The following MAPKAPK5 variants were observed in gnomAD, a reference collection of about 807,000 sequenced individuals.
MAPKAPK5 encodes MAPK activated protein kinase 5, also known as MAP kinase-activated protein kinase 5.
A neutral mutation model predicts 65.1 loss-of-function variants in MAPKAPK5; 30 were observed. The observed-to-expected ratio is 0.46, with a 90% CI of 0.34 to 0.63. The LOEUF (loss-of-function observed/expected upper bound fraction) is 0.63. Among genes scored for constraint, MAPKAPK5 ranks in the 20% least tolerant of loss-of-function variants. The pLI, the probability that MAPKAPK5 is intolerant of heterozygous loss-of-function variation, is 0.01. For missense variants in MAPKAPK5, 433 were observed against 581.4 expected (o/e 0.74, Z 2.63); for synonymous variants, 179 against 204.6 (o/e 0.87, Z 1.07).
chr12:111,866,261 T>C (rs367586322), intron 3 of MAPKAPK5, 30 bp downstream of exon 3: 2 of 1,572,182 alleles, frequency 1.3e-6, no homozygotes, highest in Admixed American at 1.8e-5. Flanking sequence ...CTTAATTAAA[T>C]AGTTGAAGTG....
chr12:111,854,118 C>G (rs548565495), intron 1 of MAPKAPK5, among the ~76,000 whole-genome samples: 11 of 152,038 alleles, frequency 7.2e-5, no homozygotes, highest in African/African-American at 2.7e-4. Context: ...CTTGTGATGC[C>G]TTTTTCGAGT....
rs997553188 is a variant in MAPKAPK5, at chr12:111,897,268, T to C, written c.*4207T>C. ...AACCACTGTGCCTGGCAGGAATTACTCTTTAAAAAGAGTTTATGTTGCTTG... is the reference window on the plus strand; with the variant it reads ...AACCACTGTGCCTGGCAGGAATTACCCTTTAAAAAGAGTTTATGTTGCTTG... On this transcript the variant is annotated 3_prime_UTR_variant, in exon 14 of 14. Coordinates refer to ENST00000550735, the MANE Select transcript of MAPKAPK5 (RefSeq NM_003668.4). 14 of 152,198 alleles carry C rather than the reference T, an allele frequency of 9.2e-5. No homozygotes were observed. Among genetic ancestry groups the C allele is most frequent in the African/African-American group, 3.4e-4 (14 of 41,446 alleles). 9.4% of individuals were successfully genotyped at this position (152,198 alleles called of 1,614,324 possible).
Position 111,865,336 on chromosome 12 carries a change from T to A in MAPKAPK5, c.110+13T>A. ...GTGGTCCAGTTAGGTAAGAGATCCA[T>A]ATGAGAAACTATGGCAAATTGTTGG... is the stretch of plus-strand genomic sequence containing the variant. On this transcript the variant is annotated intron_variant, in intron 2 of 13. Coordinates refer to ENST00000550735, the MANE Select transcript of MAPKAPK5 (RefSeq NM_003668.4). 1 of 1,564,670 alleles carries A rather than the reference T, an allele frequency of 6.4e-7. No individual in the cohort carries two copies.
chr12:111,843,576 G>A (rs2068804381), intron 1 of MAPKAPK5, among the ~76,000 whole-genome samples: 1 of 152,128 alleles, frequency 6.6e-6, no homozygotes, highest in Admixed American at 6.5e-5. Flanking sequence ...GTAGTGTTAA[G>A]TCAGCCCAGT....
At chr12:111,856,409 C>CTTT (rs1241020966) in intron 1 of MAPKAPK5, among the ~76,000 whole-genome samples, 5 of 129,734 alleles carry the variant, frequency 3.9e-5, no homozygotes, top group African/African-American at 5.8e-5. Context: ...TTTTTTCTTT[C>CTTT]TTTTTTTTTT....
rs1295895550 is a variant in MAPKAPK5 at position 111,871,134 on chromosome 12, G to A, written c.533G>A (p.Gly178Asp). Residue 178 changes from glycine (G) to aspartate (D), a missense_variant, in exon 7 of 14, where the codon GGT becomes GAT. Gly to Asp is a moderately conservative substitution (Grantham distance 94). Transcript: ENST00000550735. ...CDFGFAKIDQ[G>D]DLMTPQFTPY... Reference sequence around the variant, plus strand: ...TTTGGATTTGCCAAGATTGACCAAGGTGACTTGATGACACCCCAGTTCACC... The same window carrying A: ...TTTGGATTTGCCAAGATTGACCAAGATGACTTGATGACACCCCAGTTCACC... 1 of 1,613,696 alleles carries A rather than the reference G, an allele frequency of 6.2e-7. No individual in the cohort carries two copies. Among genetic ancestry groups the A allele is most frequent in the South Asian group, 1.1e-5 (1 of 91,054 alleles).
chr12:111,864,506 T>C (rs2069541924), intron 1 of MAPKAPK5, among the ~76,000 whole-genome samples: 1 of 152,192 alleles, frequency 6.6e-6, no homozygotes, highest in Non-Finnish European at 1.5e-5. Flanking sequence ...CCCTGTCTCT[T>C]ATAATAAATA....
intron 1 of MAPKAPK5, among the ~76,000 whole-genome samples, chr12:111,853,678 G>A (rs985943878): frequency 1.3e-5 from 2 of 152,072 alleles, no homozygotes; most frequent in Non-Finnish European, 2.9e-5. Flanking sequence ...GGGATGACAG[G>A]TGCCTGCCAC....
chr12:111,885,978 T>A lies in MAPKAPK5; in HGVS notation c.911T>A (p.Leu304His), dbSNP rs775448365. The A allele has an allele frequency of 1.1e-5, 17 of 1,613,812 alleles. No individual in the cohort carries two copies. Among genetic ancestry groups the A allele is most frequent in the Non-Finnish European group, 1.4e-5 (16 of 1,179,876 alleles). Reference sequence around the variant, plus strand: ...GAGGGAGTGCTGGACCACCCCTGGCTCAATTCCACCGAGGCCCTGGATAAT... The same window carrying A: ...GAGGGAGTGCTGGACCACCCCTGGCACAATTCCACCGAGGCCCTGGATAAT... ...TIEGVLDHPW[L>H]NSTEALDNVL... is the part of the protein sequence containing the mutation. The change falls in exon 10 of 14, where the codon CTC becomes CAC. Residue 304 changes from leucine to histidine, a missense_variant. Coordinates refer to ENST00000550735, the MANE Select transcript of MAPKAPK5 (RefSeq NM_003668.4).
rs1365148874 is a variant in MAPKAPK5, at chr12:111,874,704, C to A, written c.579+3524C>A. On this transcript the variant is annotated intron_variant, in intron 7 of 13. Transcript: ENST00000550735. ...TCTCGAACTCCTGACCTCAGGTAATCCACCCACTTTGGCTTCCCAAAGTGT... is the reference window on the plus strand; with the variant it reads ...TCTCGAACTCCTGACCTCAGGTAATACACCCACTTTGGCTTCCCAAAGTGT... Among the ~76,000 whole-genome samples the A allele has an allele frequency of 6.0e-5, 9 of 149,500 alleles. No individual in the cohort carries two copies. The South Asian group carries it at 1.7e-3, about 28-fold the overall frequency.
intron 12 of MAPKAPK5, chr12:111,889,271 G>A: frequency 2.8e-6 from 1 of 361,694 alleles, no homozygotes; most frequent in Non-Finnish European, 5.0e-6. Context: ...TCAGGTGCAA[G>A]CATGCAATTT....
At chr12:111,850,609 GGA>G (rs1328311926) in intron 1 of MAPKAPK5, among the ~76,000 whole-genome samples, 1 of 152,168 alleles carries the variant, frequency 6.6e-6, no homozygotes, top group Non-Finnish European at 1.5e-5. Context: ...AAATCATTGA[GGA>G]GAAAGGATAT....
At chr12:111,852,447 T>A (rs186030755) in intron 1 of MAPKAPK5, among the ~76,000 whole-genome samples, 94 of 152,340 alleles carry the variant, frequency 6.2e-4, no homozygotes, top group Non-Finnish European at 1.1e-3. Context: ...TTTTCTCTTA[T>A]GATTTTCTTA....
chr12:111,850,522 A>C (rs2069046667), intron 1 of MAPKAPK5, among the ~76,000 whole-genome samples: 3 of 152,192 alleles, frequency 2.0e-5, no homozygotes, highest in Admixed American at 6.5e-5. Context: ...GTTTGGCTTA[A>C]AAAAATGTCA....
intron 8 of MAPKAPK5, among the ~76,000 whole-genome samples, chr12:111,881,570 A>G (rs1205646825): frequency 6.6e-6 from 1 of 151,108 alleles, no homozygotes. Context: ...ACGCCTGGCT[A>G]ATGTTTTGTA....
intron 7 of MAPKAPK5, among the ~76,000 whole-genome samples, chr12:111,875,346 T>G (rs1019149460): frequency 5.9e-5 from 9 of 152,160 alleles, no homozygotes; most frequent in Admixed American, 3.3e-4. Flanking sequence ...GATTCCTGTT[T>G]TGTTACCTTA....
intron 1 of MAPKAPK5, 200 bp downstream of exon 1, chr12:111,842,969 G>T (rs3213628): frequency 0.18 from 75,018 of 423,080 alleles, 7,060 homozygotes; most frequent in African/African-American, 0.27. Flanking sequence ...TCCGACTCCC[G>T]CCAGCTTCCC....
rs61732443 is a variant in MAPKAPK5, at chr12:111,900,199, T to C, written c.*7138T>C. 1,041 of 455,974 alleles carry C rather than the reference T, an allele frequency of 2.3e-3. 4 individuals carry two copies. Among genetic ancestry groups the C allele is most frequent in the African/African-American group, 0.018 (908 of 50,152 alleles). 28.2% of individuals were successfully genotyped at this position (455,974 alleles called of 1,614,324 possible). On this transcript the variant is annotated 3_prime_UTR_variant, in exon 14 of 14. Transcript: ENST00000550735. ...AATCACTGGAGACAAGAGATGCTCTTCCATCGTGCAAAACACGATGTTGCC... is the reference window on the plus strand; with the variant it reads ...AATCACTGGAGACAAGAGATGCTCTCCCATCGTGCAAAACACGATGTTGCC...
At chr12:111,855,024 A>C (rs1165866103) in intron 1 of MAPKAPK5, among the ~76,000 whole-genome samples, 3 of 152,102 alleles carry the variant, frequency 2.0e-5, no homozygotes, top group Admixed American at 6.6e-5. Flanking sequence ...CTTTCTAGAA[A>C]TTTGTCCATT....
Sources: allele counts gnomAD v4.1 joint callset (sites outside exome capture counted in the v4.1 genomes callset), GRCh38; gene constraint gnomAD v4.1.1; transcripts MANE v1.5; gene names NCBI Gene and HGNC (gene_info 2026-07-23, HGNC 2026-07-21).